Variants in HERC3 observed in about 807,000 individuals in gnomAD.
The protein encoded by HERC3 is probable E3 ubiquitin-protein ligase HERC3.
HERC3 carries 58 observed loss-of-function variants against 129.9 expected under a neutral mutation model. That is an observed-to-expected ratio of 0.45 (90% CI 0.36 to 0.56). The LOEUF (loss-of-function observed/expected upper bound fraction) is 0.56, where lower values mean the gene tolerates loss of function less well. Ranked by LOEUF, HERC3 falls within the 20% of genes least tolerant of loss-of-function variation. The probability of loss-of-function intolerance (pLI) is 0.00; values close to 1 mark genes in which losing one functional copy is unlikely to be tolerated. For synonymous variants in HERC3, 430 were observed against 451.0 expected (o/e 0.95, Z 0.59); for missense variants, 835 against 1,244.2 (o/e 0.67, Z 4.95).
At chr4:88,549,775 G>T in the HERC3 span, among the ~76,000 whole-genome samples, 1 of 151,812 alleles carries the variant, frequency 6.6e-6, no homozygotes, top group East Asian at 1.9e-4. Context: ...CGCAATATTG[G>T]TTCACTGCAA....
At chr4:88,675,804 A>ATGTGTG (rs3836635) in intron 16 of HERC3, among the ~76,000 whole-genome samples, 136 of 150,906 alleles carry the variant, frequency 9.0e-4, no homozygotes, top group African/African-American at 3.2e-3. Context: ...GCCTGTGTGT[A>ATGTGTG]TGTGTGTGTG....
At chr4:88,681,680 A>G (rs1255067468) in intron 21 of HERC3, among the ~76,000 whole-genome samples, 1 of 152,148 alleles carries the variant, frequency 6.6e-6, no homozygotes, top group African/African-American at 2.4e-5. Flanking sequence ...TCTTTCTTTA[A>G]TTAAACTGTT....
chr4:88,690,469 C>G (rs1380617803), intron 23 of HERC3: 16 of 985,168 alleles, frequency 1.6e-5, no homozygotes, highest in Non-Finnish European at 1.9e-5. Context: ...AAGTTTCAGA[C>G]AAGATAATGT....
the HERC3 span, among the ~76,000 whole-genome samples, chr4:88,550,860 C>T: frequency 6.6e-6 from 1 of 151,942 alleles, no homozygotes; most frequent in Non-Finnish European, 1.5e-5. Context: ...AAGCTGGAGG[C>T]ATCACGTTAC....
At chr4:88,687,144 T>G in intron 22 of HERC3, 73 bp from the exon 23 acceptor site, 1 of 1,122,392 alleles carries the variant, frequency 8.9e-7, no homozygotes, top group Non-Finnish European at 1.3e-6. Context: ...AAAGCCTCTC[T>G]CAGTCATTTG....
At chr4:88,692,827 C>G (rs868508804) in intron 23 of HERC3, 3 of 903,134 alleles carry the variant, frequency 3.3e-6, no homozygotes, top group East Asian at 1.2e-4. Context: ...AGACTGCGCT[C>G]CATGGGTACC....
At chr4:88,581,902 T>C in the HERC3 span, among the ~76,000 whole-genome samples, 3 of 152,246 alleles carry the variant, frequency 2.0e-5, no homozygotes, top group Non-Finnish European at 2.9e-5. Context: ...GGTAATCTCT[T>C]TTCAAAGACT....
the HERC3 span, among the ~76,000 whole-genome samples, chr4:88,534,249 A>G: frequency 6.6e-6 from 1 of 152,126 alleles, no homozygotes; most frequent in African/African-American, 2.4e-5. Context: ...ATGATTTTGA[A>G]CCCCAGGAAT....
At chr4:88,602,031 G>C (rs1301366557) in intron 2 of HERC3, among the ~76,000 whole-genome samples, 1 of 88,266 alleles carries the variant, frequency 1.1e-5, no homozygotes, top group African/African-American at 1.9e-4. Context: ...ACTCCAGCCT[G>C]GGCGACAGAG....
chr4:88,613,294 T>C (rs1724551519), intron 3 of HERC3, among the ~76,000 whole-genome samples: 1 of 152,252 alleles, frequency 6.6e-6, no homozygotes, highest in Non-Finnish European at 1.5e-5. Context: ...TGTGCAACTC[T>C]ATTTGATTCA....
chr4:88,705,093 C>G (rs545749832), intron 25 of HERC3, among the ~76,000 whole-genome samples: 1 of 152,228 alleles, frequency 6.6e-6, no homozygotes, highest in African/African-American at 2.4e-5. Flanking sequence ...TCTTGAACTC[C>G]TGACCTCAAG....
At chr4:88,586,803 A>G in the HERC3 span, among the ~76,000 whole-genome samples, 1 of 152,198 alleles carries the variant, frequency 6.6e-6, no homozygotes, top group Non-Finnish European at 1.5e-5. Flanking sequence ...TAGCAAATAT[A>G]TTTTATATTT....
At chr4:88,615,427 T>C (rs1724799373) in intron 3 of HERC3, among the ~76,000 whole-genome samples, 2 of 152,226 alleles carry the variant, frequency 1.3e-5, no homozygotes, top group Admixed American at 1.3e-4. Context: ...AGATGTATGG[T>C]CTCATATCCT....
intron 3 of HERC3, among the ~76,000 whole-genome samples, chr4:88,642,373 CTAGAAG>C (rs1728213839): frequency 1.3e-5 from 2 of 152,278 alleles, no homozygotes; most frequent in Admixed American, 6.5e-5. Flanking sequence ...GAGGAACACA[CTAGAAG>C]TAGAAGAAAA....
chr4:88,708,502 TC>T lies in HERC3; in HGVS notation c.*1543del, dbSNP rs1265086732. 2.0e-5 allele frequency: 3 copies of T among 152,630 alleles called. No homozygotes were observed. The highest frequency in any genetic ancestry group is 7.2e-5 in the African/African-American group (3 of 41,452). 9.5% of individuals were successfully genotyped at this position (152,630 alleles called of 1,614,324 possible). On this transcript the variant is annotated 3_prime_UTR_variant, in exon 26 of 26. Coordinates refer to ENST00000402738, the MANE Select transcript of HERC3 (RefSeq NM_014606.3). ...TATTTTCTATGTGTGTGCATATAGT[TC>T]AATATTATGCAATAAATTTGGTGTT...
the HERC3 span, among the ~76,000 whole-genome samples, chr4:88,530,942 C>A: frequency 6.6e-6 from 1 of 152,134 alleles, no homozygotes; most frequent in Non-Finnish European, 1.5e-5. Context: ...CTCTACCTCC[C>A]AGGTTCAAGT....
the HERC3 span, among the ~76,000 whole-genome samples, chr4:88,586,274 A>G: frequency 6.6e-6 from 1 of 152,144 alleles, no homozygotes; most frequent in East Asian, 1.9e-4. Context: ...ATATGATTCT[A>G]TTAAAGATGT....
intron 2 of HERC3, chr4:88,597,976 C>T (rs1465452202): frequency 6.6e-6 from 1 of 152,008 alleles, no homozygotes; most frequent in Non-Finnish European, 1.5e-5. Context: ...TAGTTTTGGC[C>T]CTACATTTAT....
the HERC3 span, among the ~76,000 whole-genome samples, chr4:88,541,000 A>T: frequency 1.3e-5 from 2 of 152,246 alleles, no homozygotes; most frequent in African/African-American, 4.8e-5. Flanking sequence ...GCCAAATTGT[A>T]AAGACCATCA....
Sources: gnomAD v4.1 joint callset for allele counts (sites outside exome capture counted in the v4.1 genomes callset) on GRCh38, gnomAD v4.1.1 for gene constraint, MANE v1.5 for transcripts, NCBI Gene and HGNC (gene_info 2026-07-23, HGNC 2026-07-21) for gene names.